CEP83: variants seen among roughly 807,000 people sequenced by gnomAD.
CEP83 encodes centrosomal protein 83, also known as centrosomal protein of 83 kDa.
CEP83 carries 70 observed loss-of-function variants against 101.9 expected under a neutral mutation model. The observed-to-expected ratio is 0.69, with a 90% confidence interval of 0.57 to 0.84. The LOEUF (loss-of-function observed/expected upper bound fraction) is 0.84. Among genes scored for constraint, CEP83 ranks in the 40% least tolerant of loss-of-function variants. CEP83 has a pLI of 0.00. For missense variants in CEP83, 715 were observed against 787.2 expected, an observed-to-expected ratio of 0.91 and a Z score of 1.10; for synonymous variants, 264 against 267.9, an observed-to-expected ratio of 0.99 and a Z score of 0.14.
chr12:94,300,899 T>C, the CEP83 span: 3 of 1,608,502 alleles, frequency 1.9e-6, no homozygotes, highest in Non-Finnish European at 2.6e-6. Flanking sequence ...GATTATTCTC[T>C]CTTTGAACAG....
intron 4 of CEP83, among the ~76,000 whole-genome samples, chr12:94,404,761 A>G (rs1054683791): frequency 6.6e-6 from 1 of 152,164 alleles, no homozygotes; most frequent in Admixed American, 6.5e-5. Context: ...CAAAAGACTA[A>G]AAAGTCTTCT....
the CEP83 span, among the ~76,000 whole-genome samples, chr12:94,267,684 C>T: frequency 8.5e-5 from 13 of 152,110 alleles, no homozygotes; most frequent in Non-Finnish European, 1.3e-4. Flanking sequence ...GGCAGTTGTA[C>T]GAGAAGCTGC....
At chr12:94,294,910 C>T in the CEP83 span, among the ~76,000 whole-genome samples, 5 of 152,110 alleles carry the variant, frequency 3.3e-5, no homozygotes, top group South Asian at 2.1e-4. Flanking sequence ...CACAGAGCCC[C>T]GAAGCAAGCG....
chr12:94,408,791 T>C (rs948891368), intron 4 of CEP83, among the ~76,000 whole-genome samples: 1 of 152,042 alleles, frequency 6.6e-6, no homozygotes, highest in Non-Finnish European at 1.5e-5. Context: ...CCAGTTACGT[T>C]ACCCAGGCTG....
intron 2 of CEP83, among the ~76,000 whole-genome samples, chr12:94,423,325 C>A (rs1443211323): frequency 6.6e-6 from 1 of 152,144 alleles, no homozygotes; most frequent in Non-Finnish European, 1.5e-5. Flanking sequence ...ATCAAGTGAT[C>A]CGCCCATCTC....
chr12:94,307,369 T>C (rs1408475848), downstream of CEP83: 1 of 152,226 alleles, frequency 6.6e-6, no homozygotes, highest in Admixed American at 6.5e-5. Context: ...CCAAATGCAG[T>C]AAATGGCCAA....
At chr12:94,324,285 C>T (rs924051315) in intron 14 of CEP83, among the ~76,000 whole-genome samples, 8 of 152,106 alleles carry the variant, frequency 5.3e-5, no homozygotes, top group Non-Finnish European at 1.2e-4. Context: ...AGGTTTTTAA[C>T]TAAAGATTTC....
chr12:94,340,114 C>T (rs192784840), intron 11 of CEP83, among the ~76,000 whole-genome samples: 136 of 152,218 alleles, frequency 8.9e-4, no homozygotes, highest in African/African-American at 2.7e-3. Context: ...GAAATGTAAA[C>T]GTTCATTAAA....
At chr12:94,280,019 T>C in the CEP83 span, 1 of 371,282 alleles carries the variant, frequency 2.7e-6, no homozygotes, top group East Asian at 6.9e-5. Context: ...ACATTGGCAT[T>C]TGATTTGTTT....
intron 11 of CEP83, among the ~76,000 whole-genome samples, chr12:94,341,377 A>G (rs4491278): frequency 0.076 from 11,580 of 152,188 alleles, 581 homozygotes; most frequent in Admixed American, 0.13. Flanking sequence ...TTCCTTAGTA[A>G]GACCTTTTGC....
At chr12:94,283,468 C>T in the CEP83 span, among the ~76,000 whole-genome samples, 3 of 152,170 alleles carry the variant, frequency 2.0e-5, no homozygotes, top group Non-Finnish European at 2.9e-5. Flanking sequence ...ATGTAACTGC[C>T]CAACAGGTTC....
At chr12:94,351,253 C>G (rs1306837870) in intron 11 of CEP83, among the ~76,000 whole-genome samples, 1 of 152,134 alleles carries the variant, frequency 6.6e-6, no homozygotes, top group Non-Finnish European at 1.5e-5. Flanking sequence ...AACCTAGCTA[C>G]AGAAGAGCCC....
the CEP83 span, among the ~76,000 whole-genome samples, chr12:94,290,755 C>T: frequency 6.6e-6 from 1 of 152,360 alleles, no homozygotes; most frequent in Non-Finnish European, 1.5e-5. Context: ...TCTAGGTTTC[C>T]ACTCTTTCCA....
In CEP83 at chr12:94,380,086, A is replaced by C. The variant is rs1185508678; in HGVS notation, c.550-1044T>G. 4.4e-4 allele frequency among the ~76,000 whole-genome samples: 55 copies of C among 125,174 alleles called. No individual in the cohort carries two copies. In the East Asian group the frequency reaches 5.7e-3, roughly 13 times the overall value. 82.1% of individuals were successfully genotyped at this position (125,174 alleles called of 152,430 possible). Reference sequence around the variant, plus strand: ...CCCGGCCCTGCAAAAAAAAAAAAAAAAAAACAAAAAACAAAAACAGAAAAA... The same window carrying C: ...CCCGGCCCTGCAAAAAAAAAAAAAACAAAACAAAAAACAAAAACAGAAAAA... On this transcript the variant is annotated intron_variant, in intron 6 of 16. Coordinates refer to ENST00000397809, the MANE Select transcript of CEP83 (RefSeq NM_016122.3).
chr12:94,275,619 C>T, the CEP83 span, among the ~76,000 whole-genome samples: 1 of 86,140 alleles, frequency 1.2e-5, no homozygotes, highest in South Asian at 2.9e-4. Flanking sequence ...TTTGGGAGGC[C>T]GAGGCGGGCG....
the CEP83 span, among the ~76,000 whole-genome samples, chr12:94,272,533 C>T: frequency 6.6e-6 from 1 of 152,230 alleles, no homozygotes; most frequent in African/African-American, 2.4e-5. Flanking sequence ...GTCACCATCT[C>T]CCAGTGCCTC....
rs186068458 is a variant in CEP83, at chr12:94,453,621, C to A, written c.-155+5936G>T. The stretch of plus-strand genomic sequence containing the variant: ...AGCATAGCATGAGACACATAATAGG[C>A]ACTCAAATATTGATTAAACCCATAT... On this transcript the variant is annotated intron_variant, in intron 1 of 16. Transcript: ENST00000397809. Among the ~76,000 whole-genome samples the A allele has an allele frequency of 2.1e-3, 325 of 152,284 alleles. 1 individual carries two copies. Among genetic ancestry groups the A allele is most frequent in the African/African-American group, 7.5e-3 (312 of 41,558 alleles).
intron 1 of CEP83, among the ~76,000 whole-genome samples, chr12:94,452,891 C>T (rs927986163): frequency 6.6e-6 from 1 of 152,144 alleles, no homozygotes; most frequent in Non-Finnish European, 1.5e-5. Flanking sequence ...CAAAAAGTTA[C>T]GCAGCTAGTA....
In CEP83 at chr12:94,419,969, T is replaced by C. The variant is rs117278884; in HGVS notation, c.-101-7378A>G. 4.7e-4 allele frequency among the ~76,000 whole-genome samples: 71 copies of C among 152,306 alleles called. No homozygotes were observed. In the East Asian group the frequency reaches 0.013, roughly 28 times the overall value. ...TAAAATCTAAAAGGTGATTCCCAGA[T>C]AAATAATGAGACCGAGCACCTTTTC... On this transcript the variant is annotated intron_variant, in intron 2 of 16. Transcript: ENST00000397809.
Sources: allele counts gnomAD v4.1 joint callset (sites outside exome capture counted in the v4.1 genomes callset), GRCh38; gene constraint gnomAD v4.1.1; transcripts MANE v1.5; gene names NCBI Gene and HGNC (gene_info 2026-07-23, HGNC 2026-07-21).